DLGAP1: variants seen among roughly 807,000 people sequenced by gnomAD.
DLGAP1 encodes DLG associated protein 1.
Under a neutral mutation model 90.8 loss-of-function variants are expected in DLGAP1, and 11 were observed. That is an observed-to-expected ratio of 0.12 (90% CI 0.08 to 0.20). The LOEUF is 0.20. DLGAP1 is among the 10% of genes least tolerant of loss of function. The pLI is 1.00. For synonymous variants in DLGAP1, 558 were observed against 540.7 expected, an observed-to-expected ratio of 1.03 and a Z score of -0.44; for missense variants, 1,050 against 1,333.8, an observed-to-expected ratio of 0.79 and a Z score of 3.31.
At chr18:4,295,819 G>A (rs2079967297) in intron 1 of DLGAP1, among the ~76,000 whole-genome samples, 1 of 152,210 alleles carries the variant, frequency 6.6e-6, no homozygotes, top group Admixed American at 6.5e-5. Context: ...TGCTCGGTAA[G>A]TGTTAGTTAT....
At chr18:3,515,777 C>CAAA (rs55680550) in intron 10 of DLGAP1, among the ~76,000 whole-genome samples, 3 of 93,476 alleles carry the variant, frequency 3.2e-5, no homozygotes, top group Admixed American at 1.2e-4. Flanking sequence ...GACCCTGTCT[C>CAAA]AAAAAAAAAA....
chr18:3,573,083 T>C (rs1776507858), intron 8 of DLGAP1, among the ~76,000 whole-genome samples: 1 of 152,340 alleles, frequency 6.6e-6, no homozygotes, highest in East Asian at 1.9e-4. Flanking sequence ...ATATACACTT[T>C]GATTAATTCT....
rs368369684 is a variant in DLGAP1 at position 3,523,310 on chromosome 18, G to C, written c.2479+10884C>G. Among the ~76,000 whole-genome samples, 33 of 151,826 alleles carry C rather than the reference G, an allele frequency of 2.2e-4. No individual in the cohort carries two copies. The East Asian group carries it at 6.4e-3, about 30-fold the overall frequency. On this transcript the variant is annotated intron_variant, in intron 10 of 12. Transcript: ENST00000315677. The stretch of plus-strand genomic sequence containing the variant: ...GAGAATCACTTGAACCTGGGAGGCA[G>C]AGTTTGCAGTGAGCCAAGATCACAC...
intron 9 of DLGAP1, among the ~76,000 whole-genome samples, chr18:3,560,207 T>A (rs2053996011): frequency 6.7e-6 from 1 of 149,700 alleles, no homozygotes; most frequent in African/African-American, 2.5e-5. Context: ...GATCACGAGG[T>A]CAGGAGATCA....
chr18:4,435,685 A>G (rs1419066607), intron 1 of DLGAP1, among the ~76,000 whole-genome samples: 2 of 152,208 alleles, frequency 1.3e-5, no homozygotes, highest in Non-Finnish European at 2.9e-5. Context: ...GATGTTCTAC[A>G]TAACTCTTTA....
chr18:4,164,207 T>C (rs1257107011), intron 1 of DLGAP1, among the ~76,000 whole-genome samples: 1 of 151,930 alleles, frequency 6.6e-6, no homozygotes, highest in Non-Finnish European at 1.5e-5. Context: ...AGTCCCTAAT[T>C]TAACGGATAA....
rs117290836 is a variant in DLGAP1, at chr18:4,416,346, T to C, written c.-267+38660A>G. Among the ~76,000 whole-genome samples, 809 of 152,274 alleles carry C rather than the reference T, an allele frequency of 5.3e-3. 4 individuals carry two copies. Among genetic ancestry groups the C allele is most frequent in the Middle Eastern group, 0.02 (6 of 294 alleles). The stretch of plus-strand genomic sequence containing the variant: ...ATGATAATAGGTTGCTATTGAGTTA[T>C]GCCTATATTAGAAGGGATTATCAAA... On this transcript the variant is annotated intron_variant, in intron 1 of 12. Transcript: ENST00000315677.
chr18:3,923,286 C>T (rs2072309852), intron 3 of DLGAP1, among the ~76,000 whole-genome samples: 1 of 151,954 alleles, frequency 6.6e-6, no homozygotes, highest in Admixed American at 6.6e-5. Flanking sequence ...TGGATGAAAT[C>T]AGTATCTTAT....
chr18:3,558,943 C>T (rs56173508), intron 9 of DLGAP1, among the ~76,000 whole-genome samples: 5,114 of 152,264 alleles, frequency 0.034, 97 homozygotes, highest in Middle Eastern at 0.058. Flanking sequence ...AACTTTGCCA[C>T]AAAATATTTT....
chr18:4,068,407 T>A (rs1313651433), intron 2 of DLGAP1, among the ~76,000 whole-genome samples: 1 of 151,454 alleles, frequency 6.6e-6, no homozygotes, highest in African/African-American at 2.4e-5. Flanking sequence ...TATAATGATA[T>A]ATACTATATA....
intron 9 of DLGAP1, among the ~76,000 whole-genome samples, chr18:3,542,924 T>G (rs1011978763): frequency 6.6e-6 from 1 of 152,192 alleles, no homozygotes; most frequent in East Asian, 1.9e-4. Context: ...CTGGGAACTA[T>G]AGTAATAAGC....
intron 7 of DLGAP1, among the ~76,000 whole-genome samples, chr18:3,595,055 A>G (rs1307856308): frequency 1.3e-5 from 2 of 152,196 alleles, no homozygotes; most frequent in Non-Finnish European, 2.9e-5. Context: ...GAAAATGCCA[A>G]CGGCGGTATT....
intron 5 of DLGAP1, among the ~76,000 whole-genome samples, chr18:3,802,097 G>C (rs1333956236): frequency 2.0e-5 from 3 of 152,072 alleles, no homozygotes; most frequent in Non-Finnish European, 4.4e-5. Flanking sequence ...TGATTATTCT[G>C]CCTCAGCCTC....
At chr18:3,531,475 T>TTTTTGTTAC (rs145305387) in intron 10 of DLGAP1, among the ~76,000 whole-genome samples, 4,844 of 152,088 alleles carry the variant, frequency 0.032, 243 homozygotes, top group African/African-American at 0.11. Flanking sequence ...CGTACGATAA[T>TTTTTGTTAC]GCATGATAAT....
intron 3 of DLGAP1, among the ~76,000 whole-genome samples, chr18:3,955,664 A>G (rs899289510): frequency 3.3e-5 from 5 of 152,092 alleles, no homozygotes; most frequent in African/African-American, 1.2e-4. Context: ...TGGTGAGCCG[A>G]GATCGTGCCA....
intron 5 of DLGAP1, among the ~76,000 whole-genome samples, chr18:3,772,201 TCTC>T (rs1274341225): frequency 3.9e-5 from 2 of 51,074 alleles, no homozygotes; most frequent in African/African-American, 8.4e-5. Context: ...TTTCTCTTCT[TCTC>T]TCCTTTTCTT....
intron 10 of DLGAP1, among the ~76,000 whole-genome samples, chr18:3,509,755 T>C (rs375541565): frequency 6.6e-6 from 1 of 152,218 alleles, no homozygotes; most frequent in Non-Finnish European, 1.5e-5. Flanking sequence ...CGACGGAAAC[T>C]GAAGAATAAG....
chr18:3,738,455 C>G, intron 6 of DLGAP1, among the ~76,000 whole-genome samples: 1 of 147,336 alleles, frequency 6.8e-6, no homozygotes, highest in African/African-American at 2.6e-5. Flanking sequence ...GAACAGAGCC[C>G]TCAGAAATAA....
At position 3,500,368 on chromosome 18, in the gene DLGAP1, T is replaced by A. The variant is rs145267331; in HGVS notation, c.2725-974A>T. Among the ~76,000 whole-genome samples the A allele has an allele frequency of 1.7e-3, 265 of 152,280 alleles. 3 individuals are homozygous for A. The highest frequency in any genetic ancestry group is 3.1e-3 in the Non-Finnish European group (214 of 68,018). ...GACTGTGAAAGGGTGCACATAAAAC[T>A]GATGTTTTCATTTTAAATAAAATAC... is the stretch of plus-strand genomic sequence containing the variant. On this transcript the variant is annotated intron_variant, in intron 12 of 12. Coordinates refer to ENST00000315677, the MANE Select transcript of DLGAP1 (RefSeq NM_004746.4).
Sources: allele counts gnomAD v4.1 joint callset (sites outside exome capture counted in the v4.1 genomes callset), GRCh38; gene constraint gnomAD v4.1.1; transcripts MANE v1.5; gene names NCBI Gene and HGNC (gene_info 2026-07-23, HGNC 2026-07-21).